The following MAP6 variants were observed in gnomAD, a reference collection of about 807,000 sequenced individuals.
MAP6 encodes the protein microtubule associated protein 6.
A neutral mutation model predicts 42.4 loss-of-function variants in MAP6; 26 were observed. The observed-to-expected ratio is 0.61, with a 90% CI of 0.45 to 0.85. MAP6 has a LOEUF of 0.85. MAP6 is among the 40% of genes least tolerant of loss of function. The pLI, the probability that MAP6 is intolerant of heterozygous loss-of-function variation, is 0.00. For missense variants in MAP6, 966 were observed against 1,099.0 expected (o/e 0.88, Z 1.71); for synonymous variants, 418 against 443.8 (o/e 0.94, Z 0.73).
At chr11:75,640,886 G>A (rs1943455886) in intron 1 of MAP6, among the ~76,000 whole-genome samples, 1 of 152,100 alleles carries the variant, frequency 6.6e-6, no homozygotes. Flanking sequence ...ACTGTTGGTG[G>A]GACTGTAAAC....
intron 1 of MAP6, among the ~76,000 whole-genome samples, chr11:75,623,773 T>C (rs191898775): frequency 3.3e-5 from 5 of 152,308 alleles, no homozygotes; most frequent in African/African-American, 9.6e-5. Flanking sequence ...GCAGTGGCGC[T>C]ATCTCGGCTC....
intron 1 of MAP6, among the ~76,000 whole-genome samples, chr11:75,615,474 T>C (rs1396936074): frequency 6.6e-6 from 1 of 152,126 alleles, no homozygotes; most frequent in East Asian, 1.9e-4. Flanking sequence ...AGAAAAATTA[T>C]TGCATTTCTT....
At chr11:75,665,050 T>A (rs1943922600) in intron 1 of MAP6, among the ~76,000 whole-genome samples, 1 of 152,240 alleles carries the variant, frequency 6.6e-6, no homozygotes, top group Admixed American at 6.5e-5. Context: ...ATAGGTATAA[T>A]TAAATTTTAC....
Position 75,586,951 on chromosome 11 carries a change from C to A in MAP6, c.*108G>T, listed in dbSNP as rs148725812. 1.0e-4 allele frequency: 125 copies of A among 1,228,178 alleles called. No individual in the cohort carries two copies. The highest frequency in any genetic ancestry group is 1.3e-4 in the Non-Finnish European group (112 of 883,324). 76.1% of individuals were successfully genotyped at this position (1,228,178 alleles called of 1,614,324 possible). On this transcript the variant is annotated 3_prime_UTR_variant, in exon 4 of 4. Transcript: ENST00000304771. Reference sequence around the variant, plus strand: ...AGGGACCATTTTTATTAGATTCCAGCAAGACTACTGTACATGTTTCATGCA... The same window carrying A: ...AGGGACCATTTTTATTAGATTCCAGAAAGACTACTGTACATGTTTCATGCA...
At chr11:75,645,282 C>T (rs761472297) in intron 1 of MAP6, among the ~76,000 whole-genome samples, 6 of 143,870 alleles carry the variant, frequency 4.2e-5, no homozygotes, top group African/African-American at 7.6e-5. Flanking sequence ...GGTTGCCCCA[C>T]GGTGTAATGG....
chr11:75,592,141 C>T (rs925208754), intron 3 of MAP6, among the ~76,000 whole-genome samples: 2 of 152,220 alleles, frequency 1.3e-5, no homozygotes, highest in Non-Finnish European at 2.9e-5. Context: ...CAAGGCCCTG[C>T]CTGTCCTTGA....
chr11:75,593,792 A>G (rs1228382960), intron 3 of MAP6, among the ~76,000 whole-genome samples: 1 of 152,212 alleles, frequency 6.6e-6, no homozygotes, highest in Non-Finnish European at 1.5e-5. Flanking sequence ...CAGACGTTTT[A>G]AGATCTATTA....
chr11:75,599,561 T>C (rs910805439), intron 3 of MAP6, among the ~76,000 whole-genome samples: 9 of 152,206 alleles, frequency 5.9e-5, no homozygotes, highest in Non-Finnish European at 7.3e-5. Flanking sequence ...GAGCCAGATG[T>C]ATATAGATCT....
At chr11:75,661,458 A>G (rs764126283) in intron 1 of MAP6, among the ~76,000 whole-genome samples, 4 of 152,110 alleles carry the variant, frequency 2.6e-5, no homozygotes, top group Admixed American at 6.5e-5. Context: ...AAAAAATAGC[A>G]AACCAAATTC....
At chr11:75,623,484 G>A (rs1455284653) in intron 1 of MAP6, among the ~76,000 whole-genome samples, 1 of 152,132 alleles carries the variant, frequency 6.6e-6, no homozygotes, top group Non-Finnish European at 1.5e-5. Flanking sequence ...CTCCTTTCCT[G>A]ACACCCCTCC....
At position 75,668,397 on chromosome 11, in the gene MAP6, TTTC is replaced by T. The variant is rs760517604; in HGVS notation, c.-31_-29del. On this transcript the variant is annotated 5_prime_UTR_variant, in exon 1 of 4. Transcript: ENST00000304771. ...TGCTAGCTGAAAAGCCGGCCTCCTC[TTTC>T]TTCTTGTGGTTCTAAAGCAAGTCTC... The T allele has an allele frequency of 6.4e-7, 1 of 1,561,554 alleles. No individual in the cohort carries two copies. Among genetic ancestry groups the T allele is most frequent in the Non-Finnish European group, 8.6e-7 (1 of 1,161,224 alleles).
At chr11:75,593,553 G>A (rs1361722388) in intron 3 of MAP6, among the ~76,000 whole-genome samples, 3 of 152,166 alleles carry the variant, frequency 2.0e-5, no homozygotes, top group Non-Finnish European at 2.9e-5. Context: ...CAGTCCTATA[G>A]TCCATCCACG....
chr11:75,633,941 T>C (rs1590789215), intron 1 of MAP6, among the ~76,000 whole-genome samples: 2 of 152,138 alleles, frequency 1.3e-5, no homozygotes, highest in African/African-American at 4.8e-5. Flanking sequence ...TAGCTCCGAG[T>C]GGCACGATTT....
rs907424551 is a variant in MAP6 at position 75,587,997 on chromosome 11, A to G, written c.1504T>C (p.Leu502=). 1.9e-6 allele frequency: 3 copies of G among 1,613,832 alleles called. No homozygotes were observed. The highest frequency in any genetic ancestry group is 2.5e-6 in the Non-Finnish European group (3 of 1,179,982). Residue 502 remains leucine, a synonymous_variant, in exon 4 of 4, where the codon TTA becomes CTA. Coordinates refer to ENST00000304771, the MANE Select transcript of MAP6 (RefSeq NM_033063.2). ...PPKDLGPMIP[L]PVKDQDHTVP... ...GTGTGATCTTGATCCTTGACTGGTA[A>G]TGGGATCATGGGACCTAGATCCTTT...
Position 75,619,513 on chromosome 11 carries a change from C to T in MAP6, c.906-11191G>A, listed in dbSNP as rs192981222. On this transcript the variant is annotated intron_variant, in intron 1 of 3. Transcript: ENST00000304771. ...CTGATCCTCTCCCTCTTCCCACCTT[C>T]CACCTTCTGATAGGCCCCAGTGTGT... is the stretch of plus-strand genomic sequence containing the variant. Among the ~76,000 whole-genome samples, 755 of 152,280 alleles carry T rather than the reference C, an allele frequency of 5.0e-3. 8 individuals carry two copies. The highest frequency in any genetic ancestry group is 0.018 in the African/African-American group (728 of 41,544).
chr11:75,601,238 T>C (rs987577743), intron 3 of MAP6, among the ~76,000 whole-genome samples: 2 of 152,208 alleles, frequency 1.3e-5, no homozygotes, highest in African/African-American at 4.8e-5. Context: ...TGTCTTCATA[T>C]GTGTGCTTTC....
intron 1 of MAP6, among the ~76,000 whole-genome samples, chr11:75,639,025 T>C (rs1943417397): frequency 6.6e-6 from 1 of 152,188 alleles, no homozygotes; most frequent in Non-Finnish European, 1.5e-5. Flanking sequence ...GAAGCCATTA[T>C]CTTAAATGAA....
intron 1 of MAP6, among the ~76,000 whole-genome samples, chr11:75,646,748 C>T (rs1380323265): frequency 3.3e-5 from 5 of 151,728 alleles, no homozygotes; most frequent in East Asian, 1.9e-4. Flanking sequence ...TGAGGTGAGC[C>T]GAGATGGCAC....
At chr11:75,646,693 G>A (rs1565276121) in intron 1 of MAP6, among the ~76,000 whole-genome samples, 1 of 151,796 alleles carries the variant, frequency 6.6e-6, no homozygotes, top group South Asian at 2.1e-4. Context: ...CCAGCTAATC[G>A]GGAGGCTGAG....
Sources: allele counts gnomAD v4.1 joint callset (sites outside exome capture counted in the v4.1 genomes callset), GRCh38; gene constraint gnomAD v4.1.1; transcripts MANE v1.5; gene names NCBI Gene and HGNC (gene_info 2026-07-23, HGNC 2026-07-21).